PARP8: variants seen among roughly 807,000 people sequenced by gnomAD.
The protein encoded by PARP8 is protein mono-ADP-ribosyltransferase PARP8.
PARP8 carries 51 observed loss-of-function variants against 124.1 expected under a neutral mutation model. That is an observed-to-expected ratio of 0.41 (90% confidence interval 0.33 to 0.52). The LOEUF is 0.52. Among genes scored for constraint, PARP8 ranks in the 20% least tolerant of loss-of-function variants. The pLI is 0.21. For synonymous variants in PARP8, 391 were observed against 361.5 expected, an observed-to-expected ratio of 1.08 and a Z score of -0.93; for missense variants, 860 against 1,018.9, an observed-to-expected ratio of 0.84 and a Z score of 2.12.
chr5:50,788,583 T>C lies in PARP8; in HGVS notation c.731T>C (p.Leu244Pro). 6.2e-7 allele frequency: 1 copy of C among 1,611,928 alleles called. No homozygotes were observed. The highest frequency in any genetic ancestry group is 8.5e-7 in the Non-Finnish European group (1 of 1,178,554). ...GAGCGATTTGGATTGGGACATCAGC[T>C]GAAAAAGTAAGTTTGCTAAAGTGCA... is the stretch of plus-strand genomic sequence containing the variant. ...TKERFGLGHQ[L>P]KKIMQTFVTQ... Residue 244 changes from leucine to proline, a missense_variant, in exon 10 of 26, where the codon CTG becomes CCG. Coordinates refer to ENST00000281631, the MANE Select transcript of PARP8 (RefSeq NM_024615.4).
rs1745000783 is a variant in PARP8, at chr5:50,815,473, A to C, written c.1617A>C (p.Gln539His). 1 of 1,600,476 alleles carries C rather than the reference A, an allele frequency of 6.2e-7. No individual in the cohort carries two copies. The highest frequency in any genetic ancestry group is 8.5e-7 in the Non-Finnish European group (1 of 1,174,118). Reference sequence around the variant, plus strand: ...GGGAGCTGTGTGTGTTTGCTTTTCAAACCCTGGGAGTAATGAATGAAGCTG... The same window carrying C: ...GGGAGCTGTGTGTGTTTGCTTTTCACACCCTGGGAGTAATGAATGAAGCTG... ...CERELCVFAF[Q>H]TLGVMNEAAD... Residue 539 changes from glutamine to histidine, a missense_variant, in exon 15 of 26, where the codon CAA (glutamine) becomes CAC (histidine). Physicochemically the swap from Gln to His is conservative, Grantham distance 24 (BLOSUM62 0). Coordinates refer to ENST00000281631, the MANE Select transcript of PARP8 (RefSeq NM_024615.4).
intron 2 of PARP8, chr5:50,739,127 C>T: frequency 1.4e-6 from 1 of 698,816 alleles, no homozygotes; most frequent in Middle Eastern, 2.4e-4. Context: ...GAATGGAGCA[C>T]CCTGAACCAA....
At chr5:50,819,514 C>T (rs893341452) in intron 15 of PARP8, among the ~76,000 whole-genome samples, 48 of 134,246 alleles carry the variant, frequency 3.6e-4, no homozygotes, top group African/African-American at 1.3e-3. Flanking sequence ...AATCTTGGCT[C>T]ACTGCAACCT....
chr5:50,770,683 G>A (rs78209334), intron 7 of PARP8, among the ~76,000 whole-genome samples: 6,378 of 150,808 alleles, frequency 0.042, 436 homozygotes, highest in African/African-American at 0.15. Flanking sequence ...AAGAAATAAC[G>A]AAAGAAAGCA....
chr5:50,690,116 C>T (rs1752339133), intron 2 of PARP8, among the ~76,000 whole-genome samples: 1 of 152,194 alleles, frequency 6.6e-6, no homozygotes, highest in Non-Finnish European at 1.5e-5. Flanking sequence ...TTGGTTTGAG[C>T]CTTAGGTGAA....
Position 50,842,118 on chromosome 5 carries a change from G to C in PARP8, c.*50G>C. On this transcript the variant is annotated 3_prime_UTR_variant, in exon 26 of 26. Coordinates refer to ENST00000281631, the MANE Select transcript of PARP8 (RefSeq NM_024615.4). ...TTCGAAAGCCTTCCTCGGGTTCAAA[G>C]CTGGATTTTGAACTGAAGAAGATTA... The C allele has an allele frequency of 7.6e-7, 1 of 1,307,686 alleles. No individual in the cohort carries two copies. The highest frequency in any genetic ancestry group is 1.1e-6 in the Non-Finnish European group (1 of 921,240). The allele number at this position is 1,307,686 out of a possible 1,614,324, so 81.0% of individuals were successfully genotyped here.
intron 15 of PARP8, among the ~76,000 whole-genome samples, chr5:50,816,230 T>C (rs1459029342): frequency 6.6e-6 from 1 of 152,102 alleles, no homozygotes; most frequent in Admixed American, 6.6e-5. Context: ...TTAATGTATG[T>C]TAAAGTAGGT....
intron 10 of PARP8, 36 bp from the exon 11 acceptor site, chr5:50,794,171 G>T: frequency 6.3e-7 from 1 of 1,584,472 alleles, no homozygotes; most frequent in Non-Finnish European, 8.6e-7. Flanking sequence ...AAATTGCCTT[G>T]GAATGGTGAT....
chr5:50,777,776 T>C (rs557621706), intron 7 of PARP8, among the ~76,000 whole-genome samples: 42 of 152,296 alleles, frequency 2.8e-4, no homozygotes, highest in African/African-American at 1.0e-3. Flanking sequence ...TATGGGAAGA[T>C]TGACTAATTT....
intron 2 of PARP8, among the ~76,000 whole-genome samples, chr5:50,734,716 C>G (rs562075070): frequency 6.6e-6 from 1 of 152,078 alleles, no homozygotes; most frequent in East Asian, 1.9e-4. Flanking sequence ...TGCTTTTCCC[C>G]CAAGTCTGTA....
At chr5:50,789,777 C>T (rs1741738404) in intron 10 of PARP8, among the ~76,000 whole-genome samples, 1 of 152,072 alleles carries the variant, frequency 6.6e-6, no homozygotes, top group African/African-American at 2.4e-5. Context: ...CAAGAAAGAC[C>T]ATTAGATAAT....
intron 2 of PARP8, among the ~76,000 whole-genome samples, chr5:50,718,780 TGG>T (rs1163500779): frequency 3.9e-5 from 6 of 152,036 alleles, no homozygotes; most frequent in Admixed American, 6.6e-5. Context: ...TCAGTAAGCA[TGG>T]GAGTGCAGAT....
At chr5:50,690,673 T>G (rs954013896) in intron 2 of PARP8, among the ~76,000 whole-genome samples, 13 of 152,208 alleles carry the variant, frequency 8.5e-5, no homozygotes, top group Admixed American at 7.2e-4. Flanking sequence ...AAAGATCTAT[T>G]CACCTAGTCC....
At position 50,744,851 on chromosome 5, in the gene PARP8, A is replaced by G. The variant is rs563839360; in HGVS notation, c.147-5300A>G. On this transcript the variant is annotated intron_variant, in intron 2 of 25. Transcript: ENST00000281631. Reference sequence around the variant, plus strand: ...CTCATGTCCACCTTCTTTCACTTTCACTTATGCTTCTTGACAATATTTTCT... The same window carrying G: ...CTCATGTCCACCTTCTTTCACTTTCGCTTATGCTTCTTGACAATATTTTCT... 25 of 683,306 alleles carry G rather than the reference A, an allele frequency of 3.7e-5. No homozygotes were observed. The East Asian group carries it at 6.7e-4, about 18-fold the overall frequency. 42.3% of individuals were successfully genotyped at this position (683,306 alleles called of 1,614,324 possible). A position where few individuals can be genotyped will look rare whatever the true frequency, so the allele number is the denominator to read the frequency against.
intron 25 of PARP8, 52 bp from the exon 26 acceptor site, chr5:50,841,914 A>T (rs1302803142): frequency 5.3e-6 from 7 of 1,325,408 alleles, no homozygotes; most frequent in Admixed American, 1.9e-5. Context: ...AAGCTGTTTT[A>T]AATGCTGCCA....
chr5:50,760,293 A>G lies in PARP8; in HGVS notation c.276A>G (p.Glu92=). 6.6e-7 allele frequency: 1 copy of G among 1,505,846 alleles called. No individual in the cohort carries two copies. Among genetic ancestry groups the G allele is most frequent in the African/African-American group, 1.4e-5 (1 of 70,698 alleles). 93.3% of individuals were successfully genotyped at this position (1,505,846 alleles called of 1,614,324 possible). The change falls in exon 5 of 26, where the codon GAA becomes GAG. Residue 92 remains glutamate (E), a splice_region_variant and synonymous_variant. Transcript: ENST00000281631. ...TTTTAAATTACAACTTTCTTTCAGAATTAAGAAAAACAAATGACATTAACT... is the reference window on the plus strand; with the variant it reads ...TTTTAAATTACAACTTTCTTTCAGAGTTAAGAAAAACAAATGACATTAACT... The part of the protein sequence containing the change: ...IPVIFHRIAT[E]LRKTNDINCC...
chr5:50,810,482 T>C (rs1744313575), intron 14 of PARP8, among the ~76,000 whole-genome samples: 1 of 152,002 alleles, frequency 6.6e-6, no homozygotes, highest in Non-Finnish European at 1.5e-5. Flanking sequence ...AGTCATAGAA[T>C]TTGTCAGGGT....
At chr5:50,793,018 T>C (rs771194438) in intron 10 of PARP8, among the ~76,000 whole-genome samples, 1 of 152,178 alleles carries the variant, frequency 6.6e-6, no homozygotes, top group Admixed American at 6.5e-5. Context: ...CCATATTTGA[T>C]AATATACGTA....
chr5:50,728,550 A>G (rs541380858), intron 2 of PARP8, among the ~76,000 whole-genome samples: 1 of 151,940 alleles, frequency 6.6e-6, no homozygotes, highest in Non-Finnish European at 1.5e-5. Context: ...TTAAGGTCCC[A>G]TAGTTTCCTC....
Sources: gnomAD v4.1 joint callset for allele counts (sites outside exome capture counted in the v4.1 genomes callset) on GRCh38, gnomAD v4.1.1 for gene constraint, MANE v1.5 for transcripts, NCBI Gene and HGNC (gene_info 2026-07-23, HGNC 2026-07-21) for gene names.